HTT: variants seen among roughly 807,000 people sequenced by gnomAD.
HTT encodes huntington disease protein.
Under a neutral mutation model 362.3 loss-of-function variants are expected in HTT, and 104 were observed. The ratio of observed to expected loss-of-function variants is 0.29; its 90% CI spans 0.24 to 0.34. The LOEUF is 0.34. Ranked by LOEUF, HTT falls within the 10% of genes least tolerant of loss-of-function variation. The probability of loss-of-function intolerance (pLI) is 1.00; values close to 1 mark genes in which losing one functional copy is unlikely to be tolerated. For missense variants in HTT, 3,301 were observed against 3,928.6 expected, an observed-to-expected ratio of 0.84 and a Z score of 4.27; for synonymous variants, 1,577 against 1,548.7, an observed-to-expected ratio of 1.02 and a Z score of -0.43.
chr4:3,150,270 A>G (rs13122237), intron 26 of HTT, among the ~76,000 whole-genome samples: 16,719 of 152,248 alleles, frequency 0.11, 1,124 homozygotes, highest in African/African-American at 0.18. Context: ...AAATGCAGCT[A>G]GTGTGACTGA....
In HTT at chr4:3,206,611, G is replaced by A. The variant is rs1044635969; in HGVS notation, c.5834G>A (p.Arg1945Gln). 1.9e-6 allele frequency: 3 copies of A among 1,614,066 alleles called. No individual in the cohort carries two copies. Among genetic ancestry groups the A allele is most frequent in the East Asian group, 2.2e-5 (1 of 44,888 alleles). ...CAGGACTTCATCAGTGCCGTTCATC[G>A]GAACTCTGCTGCCAGCGGCCTGTTC... is the stretch of plus-strand genomic sequence containing the variant. ...PVQDFISAVH[R>Q]NSAASGLFIQ... is the part of the protein sequence containing the mutation. The change falls in exon 43 of 67, where the codon CGG (arginine) becomes CAG (glutamine). Residue 1945 changes from arginine (R) to glutamine (Q), a missense_variant. Arg to Gln is a conservative substitution (Grantham distance 43, BLOSUM62 1). Coordinates refer to ENST00000355072, the MANE Select transcript of HTT (RefSeq NM_001388492.1). This position sits in a 1 kb window ranked among gnomAD's most constrained non-coding sequence, Gnocchi z 4.6.
chr4:3,194,424 G>A (rs547156084), intron 40 of HTT, among the ~76,000 whole-genome samples: 4 of 152,330 alleles, frequency 2.6e-5, no homozygotes, highest in South Asian at 4.1e-4. Flanking sequence ...AGATAGACTG[G>A]TTTAGAAACA....
intron 4 of HTT, among the ~76,000 whole-genome samples, 197 bp downstream of exon 4, chr4:3,104,080 A>C (rs1714291621): frequency 6.6e-6 from 1 of 152,134 alleles, no homozygotes; most frequent in East Asian, 1.9e-4. Flanking sequence ...TGTTACAAAC[A>C]ATCCAGTTAC....
chr4:3,230,101 G>T, intron 60 of HTT, 59 bp downstream of exon 60: 4 of 1,483,798 alleles, frequency 2.7e-6, no homozygotes, highest in Non-Finnish European at 3.8e-6. Context: ...CATCTGCCTT[G>T]GGACCTGGTG....
chr4:3,087,141 TGAA>T (rs760374900), intron 2 of HTT, 119 bp downstream of exon 2: 31 of 562,024 alleles, frequency 5.5e-5, no homozygotes, highest in Non-Finnish European at 8.5e-5. Context: ...CCATTTAAGA[TGAA>T]GAAGGACCCT....
intron 21 of HTT, 147 bp downstream of exon 21, chr4:3,136,473 G>GAAA (rs369081036): frequency 0.053 from 21,847 of 414,050 alleles, 498 homozygotes; most frequent in African/African-American, 0.095. Context: ...AAACTATAAT[G>GAAA]AAAAAAAAAT....
intron 29 of HTT, among the ~76,000 whole-genome samples, chr4:3,161,957 T>A (rs1717468704): frequency 6.6e-6 from 1 of 152,246 alleles, no homozygotes; most frequent in South Asian, 2.1e-4. Flanking sequence ...TTGGCTTTTG[T>A]TGCCATTGCT....
intron 55 of HTT, among the ~76,000 whole-genome samples, 199 bp from the exon 56 acceptor site, chr4:3,223,793 C>G (rs116328894): frequency 6.6e-6 from 1 of 152,172 alleles, no homozygotes; most frequent in Non-Finnish European, 1.5e-5. Flanking sequence ...TAGGGGAAGA[C>G]GTTAGCAGAG....
intron 23 of HTT, among the ~76,000 whole-genome samples, chr4:3,144,945 T>C (rs1716528255): frequency 6.6e-6 from 1 of 152,150 alleles, no homozygotes; most frequent in African/African-American, 2.4e-5. Flanking sequence ...CTCTCTTCAT[T>C]GGGATATAAT....
chr4:3,083,884 C>T (rs1272152441), intron 1 of HTT, among the ~76,000 whole-genome samples: 1 of 152,138 alleles, frequency 6.6e-6, no homozygotes, highest in Non-Finnish European at 1.5e-5. Flanking sequence ...CTGGAATCAG[C>T]TCAGATGTCC....
intron 2 of HTT, among the ~76,000 whole-genome samples, chr4:3,094,039 G>A (rs957411744): frequency 4.6e-5 from 7 of 151,088 alleles, no homozygotes; most frequent in African/African-American, 2.4e-5. Context: ...AAGGTCTCTG[G>A]TTTTCCTAGG....
At chr4:3,216,747 C>T (rs1170444177) in intron 51 of HTT, among the ~76,000 whole-genome samples, 1 of 152,092 alleles carries the variant, frequency 6.6e-6, no homozygotes, top group East Asian at 1.9e-4. Flanking sequence ...ATTAATAGGC[C>T]GGGCGCGGTG....
intron 6 of HTT, among the ~76,000 whole-genome samples, chr4:3,108,994 C>T (rs1008928870): frequency 6.6e-6 from 1 of 151,592 alleles, no homozygotes; most frequent in Non-Finnish European, 1.5e-5. Context: ...TTCGAGGCTA[C>T]ACTGAGCTGT....
intron 12 of HTT, among the ~76,000 whole-genome samples, chr4:3,128,031 C>T (rs564152376): frequency 3.3e-5 from 5 of 152,092 alleles, no homozygotes; most frequent in Admixed American, 6.5e-5. Context: ...CTCCCAGGCT[C>T]GAGCGATTCT....
At chr4:3,098,376 G>A (rs1402840219) in intron 2 of HTT, among the ~76,000 whole-genome samples, 1 of 152,164 alleles carries the variant, frequency 6.6e-6, no homozygotes, top group African/African-American at 2.4e-5. Context: ...AGAGACATTT[G>A]GTTTCAGAGT....
At chr4:3,134,258 G>T in intron 18 of HTT, 143 bp from the exon 19 acceptor site, 1 of 619,280 alleles carries the variant, frequency 1.6e-6, no homozygotes, top group Non-Finnish European at 2.8e-6. Context: ...ATGTTCTTGA[G>T]AGGTGTGGGA....
chr4:3,143,765 G>A (rs1370241739), intron 23 of HTT, among the ~76,000 whole-genome samples: 6 of 151,574 alleles, frequency 4.0e-5, no homozygotes, highest in East Asian at 1.9e-4. Context: ...CACCATGCCC[G>A]GCTAATTTTG....
At chr4:3,078,580 T>G (rs901348770) in intron 1 of HTT, among the ~76,000 whole-genome samples, 1 of 151,420 alleles carries the variant, frequency 6.6e-6, no homozygotes, top group East Asian at 1.9e-4. Context: ...TTTTGTTTTG[T>G]TTTTTTTGAG....
intron 6 of HTT, among the ~76,000 whole-genome samples, chr4:3,109,607 A>G (rs527896761): frequency 1.2e-4 from 19 of 152,006 alleles, no homozygotes; most frequent in Admixed American, 3.9e-4. Flanking sequence ...CTATAGTTCT[A>G]TCAGAATTCA....
Sources: gnomAD v4.1 joint callset for allele counts (sites outside exome capture counted in the v4.1 genomes callset) on GRCh38, gnomAD v4.1.1 for gene constraint, Gnocchi (gnomAD v3.1) non-coding constraint, MANE v1.5 for transcripts, NCBI Gene and HGNC (gene_info 2026-07-23, HGNC 2026-07-21) for gene names.